The following MTSS1 variants were observed in gnomAD, a reference collection of about 807,000 sequenced individuals.
The protein encoded by MTSS1 is protein MTSS 1.
MTSS1 carries 18 observed loss-of-function variants against 79.0 expected under a neutral mutation model. That is an observed-to-expected ratio of 0.23 (90% confidence interval 0.16 to 0.34). The LOEUF is 0.34. Among genes scored for constraint, MTSS1 ranks in the 10% least tolerant of loss-of-function variants. The pLI is 1.00. For missense variants in MTSS1, 815 were observed against 986.2 expected, an observed-to-expected ratio of 0.83 and a Z score of 2.33; for synonymous variants, 341 against 368.6, an observed-to-expected ratio of 0.93 and a Z score of 0.86.
chr8:124,691,717 T>C (rs1344039586), intron 3 of MTSS1, among the ~76,000 whole-genome samples: 5 of 152,152 alleles, frequency 3.3e-5, no homozygotes, highest in African/African-American at 1.2e-4. Context: ...GGTTTCACCA[T>C]ATTGGCCAGG....
intron 1 of MTSS1, among the ~76,000 whole-genome samples, chr8:124,721,388 ATTTAC>A (rs34795324): frequency 0.69 from 99,147 of 144,286 alleles, 34,419 homozygotes; most frequent in Admixed American, 0.78. Context: ...GTTTCAGTTT[ATTTAC>A]TTTAACATTT....
At chr8:124,724,464 C>T (rs1386984481) in intron 1 of MTSS1, among the ~76,000 whole-genome samples, 5 of 152,172 alleles carry the variant, frequency 3.3e-5, no homozygotes, top group African/African-American at 1.2e-4. Flanking sequence ...TGTCTTGCGC[C>T]AGTCACATTC....
intron 3 of MTSS1, among the ~76,000 whole-genome samples, chr8:124,598,858 A>G (rs1760300201): frequency 6.6e-6 from 1 of 152,236 alleles, no homozygotes; most frequent in African/African-American, 2.4e-5. Flanking sequence ...CTGCATCAGC[A>G]GGATCTAAGG....
chr8:124,697,069 G>GA (rs1216369975), intron 3 of MTSS1, among the ~76,000 whole-genome samples: 2 of 152,004 alleles, frequency 1.3e-5, no homozygotes, highest in Non-Finnish European at 2.9e-5. Context: ...AACCATTCTG[G>GA]GAGCAGCATC....
At chr8:124,628,104 T>C (rs1587409392) in intron 3 of MTSS1, among the ~76,000 whole-genome samples, 1 of 151,628 alleles carries the variant, frequency 6.6e-6, no homozygotes, top group African/African-American at 2.4e-5. Flanking sequence ...GAGATGGAGG[T>C]TGCAGTGAGC....
At chr8:124,574,577 C>G (rs1040751025) in intron 6 of MTSS1, among the ~76,000 whole-genome samples, 1 of 152,178 alleles carries the variant, frequency 6.6e-6, no homozygotes, top group South Asian at 2.1e-4. Context: ...AGGAGCTAAA[C>G]AGCCGATCAA....
intron 1 of MTSS1, among the ~76,000 whole-genome samples, chr8:124,710,768 G>C (rs904988861): frequency 2.6e-5 from 4 of 152,100 alleles, no homozygotes; most frequent in African/African-American, 9.7e-5. Context: ...AGCGCCACTG[G>C]GACAGCTGAG....
chr8:124,629,112 T>C (rs1299708799), intron 3 of MTSS1, among the ~76,000 whole-genome samples: 1 of 152,196 alleles, frequency 6.6e-6, no homozygotes, highest in African/African-American at 2.4e-5. Context: ...TCTTCATTCT[T>C]TCAACAGCCC....
intron 12 of MTSS1, 127 bp from the exon 13 acceptor site, chr8:124,556,031 T>C (rs1181039271): frequency 7.8e-6 from 12 of 1,542,124 alleles, no homozygotes; most frequent in Non-Finnish European, 8.7e-6. Context: ...TGGGTCCCAC[T>C]CTGACCCTAG....
chr8:124,713,201 C>T (rs1372003637), intron 1 of MTSS1, among the ~76,000 whole-genome samples: 2 of 152,194 alleles, frequency 1.3e-5, no homozygotes, highest in Admixed American at 1.3e-4. Flanking sequence ...AGCATGGACA[C>T]AGAACATCTC....
rs145222040 is a variant in MTSS1 at position 124,553,132 on chromosome 8, C to T, written c.2128G>A (p.Gly710Ser). ...REPPSATVSP[G>S]QIPESDPADL... is the part of the protein sequence containing the mutation. ...GCAGGGTCACTCTCTGGAATCTGGCCTGGGGAGACAGTGGCACTTGGGGGT... is the reference window on the plus strand; with the variant it reads ...GCAGGGTCACTCTCTGGAATCTGGCTTGGGGAGACAGTGGCACTTGGGGGT... The change falls in exon 14 of 14, where the codon GGC (glycine) becomes AGC (serine). Residue 710 changes from glycine (G) to serine (S), a missense_variant. Gly to Ser is a moderately conservative substitution (Grantham distance 56, BLOSUM62 0). Transcript: ENST00000518547. This position sits in a 1 kb window ranked among gnomAD's most constrained non-coding sequence, Gnocchi z 6.0. The T allele has an allele frequency of 1.2e-5, 20 of 1,614,012 alleles. No individual in the cohort carries two copies. In the African/African-American group the frequency reaches 2.5e-4, roughly 20 times the overall value.
intron 1 of MTSS1, among the ~76,000 whole-genome samples, chr8:124,711,835 T>C (rs1423652904): frequency 6.6e-6 from 1 of 151,938 alleles, no homozygotes; most frequent in African/African-American, 2.4e-5. Context: ...GACAAAACCC[T>C]GTCTCTACTA....
In MTSS1 at chr8:124,580,579, C is replaced by T. The variant is rs184576019; in HGVS notation, c.460+4508G>A. 7.9e-5 allele frequency: 121 copies of T among 1,535,358 alleles called. 2 individuals carry two copies. The highest frequency in any genetic ancestry group is 8.3e-5 in the South Asian group (7 of 83,992). ...GAGTGTCCACTGGCGGGGGGGCACACGGTGAGAAAGTGCAGGATACACAAT... is the reference window on the plus strand; with the variant it reads ...GAGTGTCCACTGGCGGGGGGGCACATGGTGAGAAAGTGCAGGATACACAAT... On this transcript the variant is annotated intron_variant, in intron 6 of 13. Coordinates refer to ENST00000518547, the MANE Select transcript of MTSS1 (RefSeq NM_014751.6).
intron 6 of MTSS1, among the ~76,000 whole-genome samples, chr8:124,574,735 T>A (rs1051012698): frequency 6.6e-6 from 1 of 152,294 alleles, no homozygotes; most frequent in African/African-American, 2.4e-5. Context: ...AAACCCAGAA[T>A]ACATTGGGCC....
intron 4 of MTSS1, 27 bp downstream of exon 4, chr8:124,591,124 C>T (rs1207319628): frequency 1.1e-5 from 17 of 1,601,088 alleles, no homozygotes; most frequent in Non-Finnish European, 1.3e-5. Context: ...AGGGTGTTGG[C>T]GATCGGGGCC....
chr8:124,690,244 A>G (rs13260195), intron 3 of MTSS1, among the ~76,000 whole-genome samples: 26,957 of 152,180 alleles, frequency 0.18, 2,547 homozygotes, highest in African/African-American at 0.25. Flanking sequence ...ACACACATCC[A>G]GATGTAATTC....
At chr8:124,564,674 A>G (rs904971867) in intron 9 of MTSS1, 10 of 82,942 alleles carry the variant, frequency 1.2e-4, no homozygotes, top group Non-Finnish European at 2.8e-4. Context: ...GCAACAATAA[A>G]AAGGTCTCTC....
At chr8:124,578,889 C>G (rs1332445245) in intron 6 of MTSS1, among the ~76,000 whole-genome samples, 1 of 152,028 alleles carries the variant, frequency 6.6e-6, no homozygotes. Flanking sequence ...CCCAGCCAAG[C>G]CAACTGTTAA....
At chr8:124,644,041 G>A (rs1378790192) in intron 3 of MTSS1, among the ~76,000 whole-genome samples, 2 of 152,154 alleles carry the variant, frequency 1.3e-5, no homozygotes. Context: ...AATTGCTGAT[G>A]CTTGAGTACA....
Sources: allele counts gnomAD v4.1 joint callset (sites outside exome capture counted in the v4.1 genomes callset), GRCh38; gene constraint gnomAD v4.1.1; non-coding constraint Gnocchi (gnomAD v3.1); transcripts MANE v1.5; gene names NCBI Gene and HGNC (gene_info 2026-07-23, HGNC 2026-07-21).